RBFOX1: variants seen among roughly 807,000 people sequenced by gnomAD.
RBFOX1 encodes RNA binding fox-1 homolog 1, also known as RNA binding protein fox-1 homolog 1.
A neutral mutation model predicts 57.7 loss-of-function variants in RBFOX1; 8 were observed. The observed-to-expected ratio is 0.14, with a 90% CI of 0.08 to 0.25. The LOEUF is 0.25. RBFOX1 is among the 10% of genes least tolerant of loss of function. RBFOX1 has a pLI of 1.00. For missense variants in RBFOX1, 611 were observed against 548.5 expected (o/e 1.11, Z -1.14); for synonymous variants, 326 against 222.4 (o/e 1.47, Z -4.15).
intron 4 of RBFOX1, among the ~76,000 whole-genome samples, chr16:5,889,937 C>T (rs999732949): frequency 7.2e-5 from 11 of 152,312 alleles, no homozygotes; most frequent in African/African-American, 2.2e-4. Flanking sequence ...GAAGACTGGG[C>T]AAACAGCCTC....
intron 3 of RBFOX1, among the ~76,000 whole-genome samples, chr16:5,629,203 T>A (rs1273138365): frequency 1.3e-5 from 2 of 152,210 alleles, no homozygotes; most frequent in Non-Finnish European, 2.9e-5. Flanking sequence ...AGAATGTAAA[T>A]TCAAAGCAGA....
intron 1 of RBFOX1, among the ~76,000 whole-genome samples, chr16:6,270,069 A>G (rs1173114986): frequency 6.6e-6 from 1 of 152,176 alleles, no homozygotes; most frequent in Non-Finnish European, 1.5e-5. Context: ...CTGCTAAAAA[A>G]ATCTGTAAAA....
At chr16:6,903,639 C>T (rs961114169) in intron 3 of RBFOX1, among the ~76,000 whole-genome samples, 1 of 152,030 alleles carries the variant, frequency 6.6e-6, no homozygotes, top group Non-Finnish European at 1.5e-5. Flanking sequence ...TGGGGACTGT[C>T]CTTTGGATAA....
intron 2 of RBFOX1, among the ~76,000 whole-genome samples, chr16:6,552,298 T>C (rs2153881019): frequency 6.6e-6 from 1 of 152,256 alleles, no homozygotes; most frequent in South Asian, 2.1e-4. Context: ...GAATAACTAA[T>C]ATCAGGAAAC....
chr16:5,912,819 G>C (rs9922713), intron 4 of RBFOX1, among the ~76,000 whole-genome samples: 1 of 152,092 alleles, frequency 6.6e-6, no homozygotes, highest in Non-Finnish European at 1.5e-5. Flanking sequence ...CTGGTTTGGC[G>C]ATGAAAGTGA....
intron 3 of RBFOX1, among the ~76,000 whole-genome samples, chr16:6,954,449 G>C (rs1159241346): frequency 6.6e-6 from 1 of 152,088 alleles, no homozygotes. Flanking sequence ...ACTATAAATT[G>C]TCAAGCAGGA....
rs567313406 is a variant in RBFOX1 at position 5,851,447 on chromosome 16, G to C, written c.319-15856G>C. Among the ~76,000 whole-genome samples the C allele has an allele frequency of 1.2e-4, 18 of 152,270 alleles. 1 individual carries two copies. In the South Asian group the frequency reaches 3.1e-3, roughly 26 times the overall value. ...TAATTTTCCTCTGTGTGTTTTCCAA[G>C]GCATTCTCTGCACTGCCAGGGACGG... On this transcript the variant is annotated intron_variant, in intron 3 of 19. Coordinates refer to the RBFOX1 transcript ENST00000641259.
At chr16:6,495,116 G>GTTTA (rs371112237) in intron 2 of RBFOX1, among the ~76,000 whole-genome samples, 18 of 151,938 alleles carry the variant, frequency 1.2e-4, no homozygotes, top group Non-Finnish European at 2.2e-4. Context: ...TCTTTTGTTT[G>GTTTA]TTTATTTATT....
intron 3 of RBFOX1, among the ~76,000 whole-genome samples, chr16:5,842,016 C>T (rs908846115): frequency 6.6e-6 from 1 of 152,222 alleles, no homozygotes; most frequent in African/African-American, 2.4e-5. Context: ...CCTCCTCTCC[C>T]TGTGCTGATG....
intron 4 of RBFOX1, among the ~76,000 whole-genome samples, chr16:7,433,557 C>G (rs536831254): frequency 1.3e-5 from 2 of 152,306 alleles, no homozygotes; most frequent in South Asian, 4.1e-4. Flanking sequence ...GAGGAGGCAT[C>G]TGAATTGAGT....
chr16:6,122,188 G>C (rs1042050091), intron 1 of RBFOX1, among the ~76,000 whole-genome samples: 2 of 152,058 alleles, frequency 1.3e-5, no homozygotes, highest in Non-Finnish European at 2.9e-5. Context: ...TTACAGGCGT[G>C]AGCCACTGTG....
chr16:7,696,614 CATTAA>C (rs1240631968), intron 14 of RBFOX1, among the ~76,000 whole-genome samples: 1 of 151,856 alleles, frequency 6.6e-6, no homozygotes, highest in African/African-American at 2.4e-5. Flanking sequence ...GGGGACATAG[CATTAA>C]ATGAGTCAGG....
At chr16:6,260,991 A>G (rs2097698413) in intron 1 of RBFOX1, among the ~76,000 whole-genome samples, 1 of 152,228 alleles carries the variant, frequency 6.6e-6, no homozygotes, top group Non-Finnish European at 1.5e-5. Context: ...TGGACAAAAT[A>G]TATCTGTGCA....
chr16:6,895,331 T>A (rs2066496570), intron 3 of RBFOX1, among the ~76,000 whole-genome samples: 1 of 151,020 alleles, frequency 6.6e-6, no homozygotes, highest in African/African-American at 2.4e-5. Flanking sequence ...CATGATGATT[T>A]ACTAAATATG....
intron 4 of RBFOX1, among the ~76,000 whole-genome samples, chr16:5,956,199 C>T (rs114890456): frequency 0.016 from 2,493 of 152,198 alleles, 60 homozygotes; most frequent in African/African-American, 0.056. Flanking sequence ...TTGCTTGAAC[C>T]CAGGAGGTGG....
intron 1 of RBFOX1, chr16:5,260,645 A>G (rs2062710507): frequency 6.6e-6 from 1 of 152,248 alleles, no homozygotes; most frequent in Non-Finnish European, 1.5e-5. Flanking sequence ...AAATTTGTAC[A>G]GTCACTGCAA....
At chr16:7,266,780 TAAG>T (rs936310450) in intron 4 of RBFOX1, among the ~76,000 whole-genome samples, 10 of 151,632 alleles carry the variant, frequency 6.6e-5, no homozygotes, top group African/African-American at 2.2e-4. Flanking sequence ...GGAAAAAAAA[TAAG>T]AAAACATGTA....
intron 4 of RBFOX1, among the ~76,000 whole-genome samples, chr16:7,052,533 G>A (rs1267986117): frequency 3.3e-5 from 5 of 152,152 alleles, no homozygotes; most frequent in Admixed American, 6.5e-5. Flanking sequence ...CGTTTTCTGG[G>A]AGAATTTGTG....
At chr16:5,767,238 C>A (rs867150564) in intron 3 of RBFOX1, among the ~76,000 whole-genome samples, 1 of 152,208 alleles carries the variant, frequency 6.6e-6, no homozygotes, top group Non-Finnish European at 1.5e-5. Context: ...CTCCTCTTGT[C>A]TTCTTTTGGC....
Sources: gnomAD v4.1 joint callset for allele counts (sites outside exome capture counted in the v4.1 genomes callset) on GRCh38, gnomAD v4.1.1 for gene constraint, MANE v1.5 for transcripts, NCBI Gene and HGNC (gene_info 2026-07-23, HGNC 2026-07-21) for gene names.